Variants in ARFGEF3 observed in about 807,000 individuals in gnomAD.
ARFGEF3 encodes ARFGEF family member 3, also known as brefeldin A-inhibited guanine nucleotide-exchange protein 3.
A neutral mutation model predicts 221.7 loss-of-function variants in ARFGEF3; 96 were observed. The observed-to-expected ratio is 0.43, with a 90% CI of 0.37 to 0.51. The LOEUF (loss-of-function observed/expected upper bound fraction) is 0.51. Ranked by LOEUF, ARFGEF3 falls within the 20% of genes least tolerant of loss-of-function variation. The probability of loss-of-function intolerance (pLI) is 0.00; values close to 1 mark genes in which losing one functional copy is unlikely to be tolerated. For synonymous variants in ARFGEF3, 1,145 were observed against 1,126.8 expected (o/e 1.02, Z -0.32); for missense variants, 2,410 against 2,789.9 (o/e 0.86, Z 3.07).
chr6:138,207,981 G>A (rs1246772466), intron 3 of ARFGEF3, among the ~76,000 whole-genome samples: 1 of 152,140 alleles, frequency 6.6e-6, no homozygotes, highest in Non-Finnish European at 1.5e-5. Flanking sequence ...ATACACAGCA[G>A]CATTTGAATA....
rs143970067 is a variant in ARFGEF3 at position 138,209,137 on chromosome 6, A to G, written c.220-773A>G. On this transcript the variant is annotated intron_variant, in intron 3 of 33. Coordinates refer to ENST00000251691, the MANE Select transcript of ARFGEF3 (RefSeq NM_020340.5). ...GATGCATTTTCTGATGGGGACATAC[A>G]TGAAGATTTCTGGATTCCTAAATAA... Among the ~76,000 whole-genome samples the G allele has an allele frequency of 1.2e-4, 18 of 152,330 alleles. No individual in the cohort carries two copies. In the East Asian group the frequency reaches 1.3e-3, roughly 11 times the overall value.
chr6:138,282,217 A>G (rs1158555802), intron 14 of ARFGEF3, among the ~76,000 whole-genome samples: 6 of 152,128 alleles, frequency 3.9e-5, no homozygotes, highest in Non-Finnish European at 8.8e-5. Flanking sequence ...AGCCTCCCAA[A>G]GTGCTGAGAT....
At chr6:138,177,130 C>T (rs1776967920) in intron 2 of ARFGEF3, among the ~76,000 whole-genome samples, 2 of 151,428 alleles carry the variant, frequency 1.3e-5, no homozygotes, top group Non-Finnish European at 1.5e-5. Flanking sequence ...TGCTCTGTCA[C>T]CCAGGCTGGA....
At chr6:138,293,424 C>A (rs1779449833) in intron 19 of ARFGEF3, among the ~76,000 whole-genome samples, 1 of 152,200 alleles carries the variant, frequency 6.6e-6, no homozygotes, top group Non-Finnish European at 1.5e-5. Flanking sequence ...ACCTGTAAGA[C>A]CCATCATATT....
chr6:138,210,334 G>A (rs910142243), intron 4 of ARFGEF3, among the ~76,000 whole-genome samples: 3 of 152,124 alleles, frequency 2.0e-5, no homozygotes, highest in African/African-American at 7.2e-5. Flanking sequence ...CCAGCGTGGG[G>A]TAGATCTGAT....
At chr6:138,276,563 T>C (rs1779100745) in intron 12 of ARFGEF3, among the ~76,000 whole-genome samples, 1 of 152,126 alleles carries the variant, frequency 6.6e-6, no homozygotes, top group African/African-American at 2.4e-5. Flanking sequence ...TTTTTGAAAC[T>C]CTTTATTTCC....
chr6:138,315,858 A>G (rs1482099179), intron 26 of ARFGEF3, among the ~76,000 whole-genome samples: 1 of 152,088 alleles, frequency 6.6e-6, no homozygotes, highest in Middle Eastern at 3.2e-3. Context: ...TCAAAAAAAA[A>G]AAAATTCTCA....
intron 1 of ARFGEF3, among the ~76,000 whole-genome samples, chr6:138,169,093 G>A (rs561584497): frequency 5.9e-4 from 90 of 152,304 alleles, no homozygotes; most frequent in African/African-American, 2.1e-3. Context: ...TAAAGATGAG[G>A]GAACTGAAAC....
chr6:138,295,554 C>T (rs776093115), intron 20 of ARFGEF3, among the ~76,000 whole-genome samples: 1 of 150,006 alleles, frequency 6.7e-6, no homozygotes, highest in Non-Finnish European at 1.5e-5. Flanking sequence ...TGCTTGAACC[C>T]GGGAGGTGGA....
intron 32 of ARFGEF3, among the ~76,000 whole-genome samples, chr6:138,330,017 G>A (rs1780196971): frequency 6.6e-6 from 1 of 152,110 alleles, no homozygotes; most frequent in Non-Finnish European, 1.5e-5. Context: ...GGGTCACAAG[G>A]TGCTCAGTAG....
rs1333066206 is a variant in ARFGEF3 at position 138,341,020 on chromosome 6, A to C, written c.*4534A>C. On this transcript the variant is annotated 3_prime_UTR_variant, in exon 34 of 34. Coordinates refer to ENST00000251691, the MANE Select transcript of ARFGEF3 (RefSeq NM_020340.5). ...TCTAAACTTTAGTCTTCAAGCAGAC[A>C]TTCAGTGTTACTTTAGAAAACTCAC... is the stretch of plus-strand genomic sequence containing the variant. The C allele has an allele frequency of 1.3e-5, 2 of 152,298 alleles. No individual in the cohort carries two copies. The highest frequency in any genetic ancestry group is 1.5e-5 in the Non-Finnish European group (1 of 68,082). The allele number at this position is 152,298 out of a possible 1,614,324, so 9.4% of individuals were successfully genotyped here.
intron 26 of ARFGEF3, 41 bp from the exon 27 acceptor site, chr6:138,317,210 G>A: frequency 6.2e-7 from 1 of 1,602,250 alleles, no homozygotes. Context: ...TATTCATTGT[G>A]TCTAACTGGA....
At position 138,279,416 on chromosome 6, in the gene ARFGEF3, C is replaced by T. The variant is rs149154676; in HGVS notation, c.2296-583C>T. Among the ~76,000 whole-genome samples the T allele has an allele frequency of 3.2e-3, 487 of 152,344 alleles. 2 individuals are homozygous for T. Among genetic ancestry groups the T allele is most frequent in the South Asian group, 0.029 (139 of 4,832 alleles). On this transcript the variant is annotated intron_variant, in intron 13 of 33. Coordinates refer to ENST00000251691, the MANE Select transcript of ARFGEF3 (RefSeq NM_020340.5). Reference sequence around the variant, plus strand: ...GCTCACTGGCTGTTGCTCATAAGCACTTCCTGTAAGGGATACAATGAGAGT... The same window carrying T: ...GCTCACTGGCTGTTGCTCATAAGCATTTCCTGTAAGGGATACAATGAGAGT...
chr6:138,265,054 C>A (rs1778864681), intron 12 of ARFGEF3, among the ~76,000 whole-genome samples: 1 of 152,056 alleles, frequency 6.6e-6, no homozygotes, highest in African/African-American at 2.4e-5. Flanking sequence ...CAGGCGCCCA[C>A]CACCACACCG....
chr6:138,239,010 G>C (rs969515956), intron 6 of ARFGEF3, among the ~76,000 whole-genome samples: 1 of 152,156 alleles, frequency 6.6e-6, no homozygotes, highest in Non-Finnish European at 1.5e-5. Flanking sequence ...GGTTGGGTAT[G>C]TTTCCCTTTG....
At position 138,215,884 on chromosome 6, in the gene ARFGEF3, G is replaced by GAA. The variant is rs1777837272; in HGVS notation, c.351+5843_351+5844insAA. On this transcript the variant is annotated intron_variant, in intron 4 of 33. Coordinates refer to ENST00000251691, the MANE Select transcript of ARFGEF3 (RefSeq NM_020340.5). ...TGTGTGTGTGTGTGTGTGTGTGTGT[G>GAA]TGTGAAAGAGAGAGAGAGAGAGAGA... is the stretch of plus-strand genomic sequence containing the variant. 3 of 109,504 alleles carry GAA rather than the reference G, an allele frequency of 2.7e-5. No homozygotes were observed. The East Asian group carries it at 1.4e-3, about 53-fold the overall frequency. 6.8% of individuals were successfully genotyped at this position (109,504 alleles called of 1,614,324 possible). A position where few individuals can be genotyped will look rare whatever the true frequency, so the allele number is the denominator to read the frequency against.
intron 12 of ARFGEF3, among the ~76,000 whole-genome samples, chr6:138,273,546 G>A (rs895304716): frequency 2.0e-5 from 3 of 152,222 alleles, no homozygotes; most frequent in Non-Finnish European, 4.4e-5. Flanking sequence ...TCAGAGGGAA[G>A]AATGGAAAAT....
intron 31 of ARFGEF3, among the ~76,000 whole-genome samples, chr6:138,326,142 C>T (rs1284190265): frequency 6.6e-6 from 1 of 151,932 alleles, no homozygotes; most frequent in Non-Finnish European, 1.5e-5. Flanking sequence ...CAGGCATGAG[C>T]CACTGCACCT....
chr6:138,259,365 C>G (rs537711220), intron 10 of ARFGEF3, among the ~76,000 whole-genome samples: 1 of 152,322 alleles, frequency 6.6e-6, no homozygotes, highest in African/African-American at 2.4e-5. Context: ...TTTCAAAGCA[C>G]AGCCCCTTTT....
Sources: allele counts gnomAD v4.1 joint callset (sites outside exome capture counted in the v4.1 genomes callset), GRCh38; gene constraint gnomAD v4.1.1; transcripts MANE v1.5; gene names NCBI Gene and HGNC (gene_info 2026-07-23, HGNC 2026-07-21).